Variants in COL23A1 observed in about 807,000 individuals in gnomAD.
COL23A1 encodes the protein collagen alpha-1(XXIII) chain.
Under a neutral mutation model 99.3 loss-of-function variants are expected in COL23A1, and 97 were observed. The observed-to-expected ratio is 0.98, with a 90% CI of 0.83 to 1.16. COL23A1 has a LOEUF of 1.16. Among genes scored for constraint, COL23A1 ranks in the 50% most tolerant of loss-of-function variants. COL23A1 has a pLI of 0.00. For synonymous variants in COL23A1, 320 were observed against 308.2 expected (o/e 1.04, Z -0.40); for missense variants, 762 against 757.4 (o/e 1.01, Z -0.07).
At chr5:178,344,357 C>T (rs1207320276) in intron 2 of COL23A1, among the ~76,000 whole-genome samples, 1 of 152,048 alleles carries the variant, frequency 6.6e-6, no homozygotes, top group East Asian at 1.9e-4. Context: ...AGGTCTGTGG[C>T]CGGGCGTGGT....
chr5:178,427,540 G>A (rs1481124421), intron 2 of COL23A1, among the ~76,000 whole-genome samples: 1 of 152,184 alleles, frequency 6.6e-6, no homozygotes, highest in Non-Finnish European at 1.5e-5. Flanking sequence ...GTAGGTGAGT[G>A]GGTAGGTAAG....
At chr5:178,500,137 C>T (rs768896214) in intron 2 of COL23A1, among the ~76,000 whole-genome samples, 3 of 151,966 alleles carry the variant, frequency 2.0e-5, no homozygotes, top group South Asian at 2.1e-4. Context: ...AAAAATAAAA[C>T]GAAGAGGCAG....
chr5:178,298,449 G>C (rs948591925), intron 3 of COL23A1, among the ~76,000 whole-genome samples: 5 of 152,300 alleles, frequency 3.3e-5, no homozygotes, highest in African/African-American at 1.2e-4. Context: ...TGCAAATGGG[G>C]AGGAGTCTTT....
chr5:178,276,329 C>T (rs1156343408), intron 5 of COL23A1, among the ~76,000 whole-genome samples: 1 of 152,212 alleles, frequency 6.6e-6, no homozygotes, highest in East Asian at 1.9e-4. Context: ...TCGGCCAGAG[C>T]TGGGGGCCTG....
Position 178,255,913 on chromosome 5 carries a change from G to T in COL23A1, c.882+440C>A. On this transcript the variant is annotated intron_variant, in intron 15 of 28. Coordinates refer to ENST00000390654, the MANE Select transcript of COL23A1 (RefSeq NM_173465.4). This position sits in a 1 kb window ranked among gnomAD's most constrained non-coding sequence, Gnocchi z 4.2. ...CCCTAAAGGTAAGGTATGTTGATAG[G>T]GGCTGGTCACAAAAGATCTGGGGCA... 1 of 301,770 alleles carries T rather than the reference G, an allele frequency of 3.3e-6. No individual in the cohort carries two copies. The highest frequency in any genetic ancestry group is 3.6e-5 in the Admixed American group (1 of 27,846). 18.7% of individuals were successfully genotyped at this position (301,770 alleles called of 1,614,324 possible).
intron 1 of COL23A1, among the ~76,000 whole-genome samples, chr5:178,587,930 C>T (rs903620048): frequency 3.3e-5 from 5 of 152,182 alleles, no homozygotes; most frequent in Non-Finnish European, 5.9e-5. Context: ...AGTTCAGCCC[C>T]AACTGCATTC....
At chr5:178,427,923 AC>A (rs1766040236) in intron 2 of COL23A1, among the ~76,000 whole-genome samples, 1 of 152,204 alleles carries the variant, frequency 6.6e-6, no homozygotes, top group Admixed American at 6.5e-5. Flanking sequence ...ACTGTCCAGC[AC>A]CAGGAGTGGT....
rs939300476 is a variant in COL23A1 at position 178,465,459 on chromosome 5, G to T, written c.361+95223C>A. Among the ~76,000 whole-genome samples the T allele has an allele frequency of 2.0e-5, 3 of 152,316 alleles. No homozygotes were observed. The South Asian group carries it at 6.2e-4, about 32-fold the overall frequency. ...CAGGAACCCAGGCATGGGTTTAAAAGCATTCTTCACACAGAGGCAGATAAC... is the reference window on the plus strand; with the variant it reads ...CAGGAACCCAGGCATGGGTTTAAAATCATTCTTCACACAGAGGCAGATAAC... On this transcript the variant is annotated intron_variant, in intron 2 of 28. Transcript: ENST00000390654.
chr5:178,568,321 A>G (rs1003889576), intron 1 of COL23A1, among the ~76,000 whole-genome samples: 9 of 152,186 alleles, frequency 5.9e-5, no homozygotes, highest in Non-Finnish European at 1.3e-4. Flanking sequence ...ATTAGAGAGA[A>G]GAAATGGGTG....
At chr5:178,541,538 G>T (rs574975675) in intron 2 of COL23A1, among the ~76,000 whole-genome samples, 2 of 152,308 alleles carry the variant, frequency 1.3e-5, no homozygotes, top group South Asian at 4.1e-4. Flanking sequence ...CCTTGCCACT[G>T]CACTCCAGCC....
In COL23A1 at chr5:178,428,653, C is replaced by T. The variant is rs373771309; in HGVS notation, c.362-121734G>A. Among the ~76,000 whole-genome samples the T allele has an allele frequency of 1.2e-4, 18 of 152,362 alleles. No individual in the cohort carries two copies. The highest frequency in any genetic ancestry group is 1.2e-3 in the East Asian group (6 of 5,188). ...TCTTCTCCTGACCTCATTATGTCAG[C>T]GCCCGGATTGTGTGCTGGGGCTGGG... On this transcript the variant is annotated intron_variant, in intron 2 of 28. Coordinates refer to ENST00000390654, the MANE Select transcript of COL23A1 (RefSeq NM_173465.4). The surrounding 1 kb of genome is among the most constrained non-coding windows in gnomAD (Gnocchi z 5.0).
At chr5:178,516,883 A>C (rs1759547459) in intron 2 of COL23A1, among the ~76,000 whole-genome samples, 1 of 152,210 alleles carries the variant, frequency 6.6e-6, no homozygotes, top group African/African-American at 2.4e-5. Flanking sequence ...AGGAGGGTAC[A>C]TTACGGGCTG....
At chr5:178,243,181 C>G (rs1764500055) in intron 25 of COL23A1, among the ~76,000 whole-genome samples, 1 of 115,548 alleles carries the variant, frequency 8.7e-6, no homozygotes. Context: ...CAGAGCGGGA[C>G]TCTGTCTCAA....
At chr5:178,253,575 C>T (rs961699143) in intron 16 of COL23A1, among the ~76,000 whole-genome samples, 4 of 150,682 alleles carry the variant, frequency 2.7e-5, no homozygotes, top group African/African-American at 1.0e-4. Flanking sequence ...CTCTGCCTCC[C>T]GGGTTCAAGT....
intron 1 of COL23A1, among the ~76,000 whole-genome samples, chr5:178,581,254 T>C (rs1763645058): frequency 1.3e-5 from 2 of 152,200 alleles, no homozygotes; most frequent in Non-Finnish European, 2.9e-5. Context: ...CCTGTCTGTC[T>C]CAAACTCAGA....
intron 2 of COL23A1, among the ~76,000 whole-genome samples, chr5:178,402,665 TCA>T: frequency 6.6e-6 from 1 of 152,174 alleles, no homozygotes; most frequent in Non-Finnish European, 1.5e-5. Flanking sequence ...GGCAGGAGGA[TCA>T]CTTGAACCCA....
intron 2 of COL23A1, among the ~76,000 whole-genome samples, chr5:178,355,711 C>T (rs886949655): frequency 6.6e-5 from 10 of 152,118 alleles, no homozygotes; most frequent in Non-Finnish European, 1.3e-4. Context: ...AGAATGGTCT[C>T]CATCTCCTGA....
chr5:178,516,939 G>A (rs537858710), intron 2 of COL23A1, among the ~76,000 whole-genome samples: 3 of 152,356 alleles, frequency 2.0e-5, no homozygotes, highest in South Asian at 4.1e-4. Flanking sequence ...TGCGCAGAAA[G>A]CTGCAATATC....
intron 27 of COL23A1, 132 bp downstream of exon 27, chr5:178,241,910 G>C: frequency 1.5e-6 from 1 of 674,190 alleles, no homozygotes; most frequent in Non-Finnish European, 2.6e-6. Context: ...GGCCCTGACA[G>C]TGAGGAAGGC....
Sources: allele counts gnomAD v4.1 joint callset (sites outside exome capture counted in the v4.1 genomes callset), GRCh38; gene constraint gnomAD v4.1.1; non-coding constraint Gnocchi (gnomAD v3.1); transcripts MANE v1.5; gene names NCBI Gene and HGNC (gene_info 2026-07-23, HGNC 2026-07-21).